The following ENOX1 variants were observed in gnomAD, a reference collection of about 807,000 sequenced individuals.
ENOX1 encodes the protein ecto-NOX disulfide-thiol exchanger 1.
In ENOX1, 42 loss-of-function variants were observed where a neutral mutation model predicts 82.5. That is an observed-to-expected ratio of 0.51 (90% confidence interval 0.40 to 0.66). The LOEUF is 0.66. ENOX1 is among the 30% of genes least tolerant of loss of function. The probability of loss-of-function intolerance (pLI) is 0.00; values close to 1 mark genes in which losing one functional copy is unlikely to be tolerated. For synonymous variants in ENOX1, 271 were observed against 282.2 expected (o/e 0.96, Z 0.40); for missense variants, 608 against 811.6 (o/e 0.75, Z 3.05).
At chr13:43,608,025 T>C (rs1409425159) in intron 2 of ENOX1, among the ~76,000 whole-genome samples, 1 of 152,208 alleles carries the variant, frequency 6.6e-6, no homozygotes, top group Non-Finnish European at 1.5e-5. Flanking sequence ...TGATGCAGAA[T>C]GGCTGGGAAT....
At chr13:43,462,313 T>C (rs1172391888) in intron 3 of ENOX1, among the ~76,000 whole-genome samples, 1 of 152,226 alleles carries the variant, frequency 6.6e-6, no homozygotes, top group African/African-American at 2.4e-5. Flanking sequence ...CCTACGAAAA[T>C]AGTTAATTCT....
At chr13:43,734,083 A>G (rs2153823190) in intron 1 of ENOX1, among the ~76,000 whole-genome samples, 1 of 152,316 alleles carries the variant, frequency 6.6e-6, no homozygotes, top group East Asian at 1.9e-4. Flanking sequence ...AGGACTTCGG[A>G]CAAAACACCA....
At chr13:43,775,898 G>A (rs149691009) in intron 1 of ENOX1, among the ~76,000 whole-genome samples, 2 of 152,260 alleles carry the variant, frequency 1.3e-5, no homozygotes, top group Admixed American at 6.5e-5. Context: ...GTGGCCCCCA[G>A]CTTTGCTCCA....
chr13:43,306,577 CTGTG>C (rs1399223779), intron 11 of ENOX1, among the ~76,000 whole-genome samples: 3 of 152,176 alleles, frequency 2.0e-5, no homozygotes, highest in African/African-American at 7.2e-5. Context: ...GGGCTTGGCT[CTGTG>C]TGACTTCATC....
chr13:43,232,007 C>T (rs2042306351), intron 15 of ENOX1, among the ~76,000 whole-genome samples: 1 of 152,032 alleles, frequency 6.6e-6, no homozygotes, highest in East Asian at 1.9e-4. Flanking sequence ...CTCACTGCAG[C>T]CTGATGCTCG....
chr13:43,313,197 T>A (rs998079005), intron 11 of ENOX1, among the ~76,000 whole-genome samples: 9 of 152,180 alleles, frequency 5.9e-5, no homozygotes, highest in Admixed American at 1.3e-4. Flanking sequence ...TGCCAATCTC[T>A]CTGTGGGTAA....
intron 1 of ENOX1, among the ~76,000 whole-genome samples, chr13:43,713,044 T>A (rs568161726): frequency 5.3e-5 from 8 of 152,286 alleles, no homozygotes; most frequent in African/African-American, 1.9e-4. Flanking sequence ...ATATTGGCTG[T>A]GGGTTTGTCA....
chr13:43,425,839 G>A (rs1486594567), intron 3 of ENOX1, among the ~76,000 whole-genome samples: 1 of 152,118 alleles, frequency 6.6e-6, no homozygotes. Context: ...TTGTAACTGG[G>A]CTATCTCACT....
chr13:43,347,596 G>A (rs539654661), intron 8 of ENOX1, among the ~76,000 whole-genome samples: 19 of 152,268 alleles, frequency 1.2e-4, no homozygotes, highest in African/African-American at 2.2e-4. Flanking sequence ...TATTGGGAGC[G>A]GTCATTTTCA....
At chr13:43,754,349 AT>A (rs201696009) in intron 1 of ENOX1, among the ~76,000 whole-genome samples, 36 of 129,174 alleles carry the variant, frequency 2.8e-4, no homozygotes, top group African/African-American at 1.0e-3. Context: ...TATTATTATT[AT>A]TTATTTTTTT....
chr13:43,278,489 T>G (rs904045593), intron 12 of ENOX1, among the ~76,000 whole-genome samples: 2 of 152,242 alleles, frequency 1.3e-5, no homozygotes, highest in African/African-American at 4.8e-5. Flanking sequence ...CTGAGAATTT[T>G]TATGTTTAAA....
intron 2 of ENOX1, among the ~76,000 whole-genome samples, chr13:43,501,553 A>C (rs1355556023): frequency 6.6e-6 from 1 of 151,764 alleles, no homozygotes; most frequent in East Asian, 1.9e-4. Context: ...AATCATACCA[A>C]GTATCTTTCT....
At chr13:43,495,426 C>T (rs9590767) in intron 2 of ENOX1, among the ~76,000 whole-genome samples, 33,331 of 151,884 alleles carry the variant, frequency 0.22, 3,990 homozygotes, top group Middle Eastern at 0.29. Context: ...TACCAGATAG[C>T]ATATGTTCTT....
chr13:43,257,073 A>G lies in ENOX1; in HGVS notation c.1611+8325T>C, dbSNP rs955540891. 3.9e-5 allele frequency among the ~76,000 whole-genome samples: 6 copies of G among 152,296 alleles called. No homozygotes were observed. In the East Asian group the frequency reaches 1.2e-3, roughly 29 times the overall value. ...ACCCAGACATAGGAAGTTAGACACC[A>G]CGTGTTCTCACTCGTATGCGGGAGC... On this transcript the variant is annotated intron_variant, in intron 14 of 16. Transcript: ENST00000690772.
intron 1 of ENOX1, among the ~76,000 whole-genome samples, chr13:43,714,683 T>C (rs913269868): frequency 9.2e-5 from 14 of 152,330 alleles, no homozygotes; most frequent in Non-Finnish European, 1.5e-4. Context: ...CTTCTTTGTC[T>C]CTTTTGATCT....
At chr13:43,439,983 A>T (rs2056274319) in intron 3 of ENOX1, among the ~76,000 whole-genome samples, 2 of 152,218 alleles carry the variant, frequency 1.3e-5, no homozygotes, top group Non-Finnish European at 2.9e-5. Context: ...AAACATGTTT[A>T]TATATATGTA....
chr13:43,332,371 G>C (rs934167077), intron 9 of ENOX1, among the ~76,000 whole-genome samples: 3 of 152,146 alleles, frequency 2.0e-5, no homozygotes, highest in African/African-American at 7.2e-5. Flanking sequence ...TGCCGCTGCT[G>C]ATCTAACAGG....
chr13:43,268,891 A>G (rs924222443), intron 13 of ENOX1, among the ~76,000 whole-genome samples: 1 of 152,276 alleles, frequency 6.6e-6, no homozygotes, highest in East Asian at 1.9e-4. Flanking sequence ...CGAGTGTTCC[A>G]TCTTACCCTG....
intron 2 of ENOX1, among the ~76,000 whole-genome samples, chr13:43,616,925 A>C (rs1014753792): frequency 2.6e-4 from 39 of 151,584 alleles, no homozygotes; most frequent in African/African-American, 9.4e-4. Context: ...AAAACAAGTA[A>C]ACACACACAC....
Sources: allele counts gnomAD v4.1 joint callset (sites outside exome capture counted in the v4.1 genomes callset), GRCh38; gene constraint gnomAD v4.1.1; transcripts MANE v1.5; gene names NCBI Gene and HGNC (gene_info 2026-07-23, HGNC 2026-07-21).